TBL1XR1: variants seen among roughly 807,000 people sequenced by gnomAD.
TBL1XR1 encodes the protein TBL1X/Y related 1, also known as F-box-like/WD repeat-containing protein TBL1XR1.
TBL1XR1 carries 5 observed loss-of-function variants against 66.9 expected under a neutral mutation model. The ratio of observed to expected loss-of-function variants is 0.07; its 90% CI spans 0.04 to 0.16. The LOEUF (loss-of-function observed/expected upper bound fraction) is 0.16, where lower values mean the gene tolerates loss of function less well. Among genes scored for constraint, TBL1XR1 ranks in the 10% least tolerant of loss-of-function variants. The pLI is 1.00. For synonymous variants in TBL1XR1, 210 were observed against 206.0 expected (o/e 1.02, Z -0.17); for missense variants, 238 against 623.2 (o/e 0.38, Z 6.58).
chr3:177,088,380 TAAG>T (rs1312307612), intron 2 of TBL1XR1, among the ~76,000 whole-genome samples: 2 of 152,268 alleles, frequency 1.3e-5, no homozygotes, highest in Admixed American at 1.3e-4. Flanking sequence ...TATATATATA[TAAG>T]GAGTATATGA....
intron 2 of TBL1XR1, among the ~76,000 whole-genome samples, chr3:177,096,331 T>TACACACACACACACACACACACAC (rs756833949): frequency 3.8e-4 from 38 of 100,758 alleles, no homozygotes; most frequent in East Asian, 9.9e-4. Context: ...CTAACATACA[T>TACACACACACACACACACACACAC]ACATACACAC....
chr3:177,152,460 T>A (rs1039888301), intron 1 of TBL1XR1, among the ~76,000 whole-genome samples: 1 of 152,158 alleles, frequency 6.6e-6, no homozygotes, highest in Non-Finnish European at 1.5e-5. Context: ...CTAATTTTTG[T>A]ATTTTTAGTA....
intron 1 of TBL1XR1, among the ~76,000 whole-genome samples, chr3:177,122,171 A>G (rs1409192828): frequency 1.3e-5 from 2 of 152,050 alleles, no homozygotes; most frequent in African/African-American, 4.8e-5. Flanking sequence ...ATTACTGTCA[A>G]ATTTACTTAT....
chr3:177,054,375 T>C (rs1717539956), intron 3 of TBL1XR1, among the ~76,000 whole-genome samples: 1 of 152,160 alleles, frequency 6.6e-6, no homozygotes, highest in Non-Finnish European at 1.5e-5. Context: ...TATTTCAAAT[T>C]TTCTTTCATC....
At chr3:177,122,069 T>C (rs1727038333) in intron 1 of TBL1XR1, among the ~76,000 whole-genome samples, 1 of 152,154 alleles carries the variant, frequency 6.6e-6, no homozygotes, top group Non-Finnish European at 1.5e-5. Flanking sequence ...ATCTAAAGTA[T>C]TAATAAGCAA....
At chr3:177,094,048 G>C (rs1229951393) in intron 2 of TBL1XR1, among the ~76,000 whole-genome samples, 1 of 152,100 alleles carries the variant, frequency 6.6e-6, no homozygotes. Context: ...ACAACCCACA[G>C]AGTGAGAGAA....
At chr3:177,195,997 T>C (rs947641837) in intron 1 of TBL1XR1, among the ~76,000 whole-genome samples, 2 of 152,172 alleles carry the variant, frequency 1.3e-5, no homozygotes, top group African/African-American at 2.4e-5. Context: ...CAAATTATCT[T>C]AGAGACACTT....
intron 2 of TBL1XR1, among the ~76,000 whole-genome samples, chr3:177,094,436 T>C (rs1445150995): frequency 1.3e-5 from 2 of 152,308 alleles, no homozygotes; most frequent in South Asian, 2.1e-4. Flanking sequence ...GAACTAACAG[T>C]AGAACTACCA....
intron 12 of TBL1XR1, chr3:177,037,690 T>C (rs79950474): frequency 0.022 from 3,457 of 157,884 alleles, 49 homozygotes; most frequent in Non-Finnish European, 0.033. Flanking sequence ...CCATCTTTCA[T>C]GGGTCTCCAG....
intron 1 of TBL1XR1, among the ~76,000 whole-genome samples, chr3:177,112,964 G>T (rs752286102): frequency 6.6e-6 from 1 of 151,928 alleles, no homozygotes; most frequent in Non-Finnish European, 1.5e-5. Flanking sequence ...TGTGAGCAGA[G>T]ATCGTGGCAC....
chr3:177,198,075 T>C (rs576392099), upstream of TBL1XR1, among the ~76,000 whole-genome samples: 97 of 152,210 alleles, frequency 6.4e-4, no homozygotes, highest in Non-Finnish European at 1.1e-3. Flanking sequence ...CGGCATCATA[T>C]GGACATTTGT....
upstream of TBL1XR1, among the ~76,000 whole-genome samples, chr3:177,201,501 C>A (rs961798012): frequency 6.6e-6 from 1 of 151,640 alleles, no homozygotes; most frequent in Non-Finnish European, 1.5e-5. Flanking sequence ...GCAAGATAGC[C>A]TACACATTTG....
intron 6 of TBL1XR1, 32 bp downstream of exon 6, chr3:177,050,446 A>C (rs1446517040): frequency 8.1e-6 from 13 of 1,608,490 alleles, no homozygotes; most frequent in Non-Finnish European, 1.1e-5. Context: ...AGATATTTTT[A>C]AGTCATTTTA....
intron 2 of TBL1XR1, among the ~76,000 whole-genome samples, chr3:177,077,919 C>T (rs992549645): frequency 6.6e-6 from 1 of 152,170 alleles, no homozygotes; most frequent in East Asian, 1.9e-4. Context: ...TTTGATGCTA[C>T]TGGCTTTTGA....
intron 1 of TBL1XR1, among the ~76,000 whole-genome samples, chr3:177,138,840 G>A (rs1310489258): frequency 6.6e-6 from 1 of 152,168 alleles, no homozygotes; most frequent in Admixed American, 6.5e-5. Context: ...AGACACCACA[G>A]TAACCCAAGA....
intron 8 of TBL1XR1, 40 bp downstream of exon 8, chr3:177,047,446 T>TA (rs764545097): frequency 3.7e-6 from 6 of 1,608,254 alleles, no homozygotes; most frequent in Admixed American, 1.7e-5. Flanking sequence ...TTTCTATCTT[T>TA]AGATCAACAA....
At chr3:177,028,293 G>A (rs1481785847) in intron 14 of TBL1XR1, among the ~76,000 whole-genome samples, 1 of 152,120 alleles carries the variant, frequency 6.6e-6, no homozygotes, top group Non-Finnish European at 1.5e-5. Flanking sequence ...TATTTTCAAA[G>A]TTTGAAAAAG....
intron 1 of TBL1XR1, among the ~76,000 whole-genome samples, chr3:177,130,447 AG>A (rs1728164906): frequency 6.6e-6 from 1 of 152,200 alleles, no homozygotes; most frequent in African/African-American, 2.4e-5. Context: ...AAAGACAGTT[AG>A]GCAATAAAAG....
chr3:177,194,089 A>G (rs1192734979), intron 1 of TBL1XR1: 1 of 152,234 alleles, frequency 6.6e-6, no homozygotes, highest in East Asian at 1.9e-4. Context: ...AGGGGTAAAC[A>G]GCCAAATCTC....
Sources: allele counts gnomAD v4.1 joint callset (sites outside exome capture counted in the v4.1 genomes callset), GRCh38; gene constraint gnomAD v4.1.1; transcripts MANE v1.5; gene names NCBI Gene and HGNC (gene_info 2026-07-23, HGNC 2026-07-21).